The following GABRA3 variants were observed in gnomAD, a reference collection of about 807,000 sequenced individuals.
GABRA3 encodes gamma-aminobutyric acid type A receptor subunit alpha3.
In GABRA3, 10 loss-of-function variants were observed where a neutral mutation model predicts 30.1. The observed-to-expected ratio is 0.33, with a 90% confidence interval of 0.20 to 0.56. The LOEUF (loss-of-function observed/expected upper bound fraction) is 0.56, where lower values mean the gene tolerates loss of function less well. GABRA3 is among the 20% of genes least tolerant of loss of function. GABRA3 has a pLI of 0.89. For synonymous variants in GABRA3, 151 were observed against 146.8 expected (o/e 1.03, Z -0.21); for missense variants, 233 against 392.0 (o/e 0.59, Z 3.42).
At chrX:152,267,253 T>C (rs1938843025) in intron 4 of GABRA3, among the ~76,000 whole-genome samples, 1 of 112,359 alleles carries the variant, frequency 8.9e-6, no homozygotes, top group African/African-American at 3.2e-5. Context: ...TCTTTTTTGG[T>C]ATCTATTAAA....
At chrX:152,271,548 G>C (rs1312194127) in intron 4 of GABRA3, among the ~76,000 whole-genome samples, 1 of 112,225 alleles carries the variant, frequency 8.9e-6, no homozygotes, top group African/African-American at 3.2e-5. Flanking sequence ...AAAACGTTCA[G>C]CCTGAAAATG....
chrX:152,354,592 G>T (rs1468768284), intron 2 of GABRA3, among the ~76,000 whole-genome samples: 2 of 111,670 alleles, frequency 1.8e-5, no homozygotes, highest in Non-Finnish European at 3.8e-5. Flanking sequence ...GAGTATATCT[G>T]AAAGCCACTA....
chrX:152,338,421 TC>T (rs1242009010), intron 3 of GABRA3, among the ~76,000 whole-genome samples: 1 of 112,103 alleles, frequency 8.9e-6, no homozygotes, highest in Non-Finnish European at 1.9e-5. Context: ...CCTTATATAT[TC>T]TAGTTGTTAA....
chrX:152,278,065 G>A lies in GABRA3; in HGVS notation c.330+6603C>T, dbSNP rs185597795. On this transcript the variant is annotated intron_variant, in intron 4 of 9. Transcript: ENST00000370314. ...CCTTCTCTTCATCATTCTCTATTTT[G>A]AAGAAACATAATTGATACGTTATTT... Among the ~76,000 whole-genome samples the A allele has an allele frequency of 5.9e-4, 66 of 111,785 alleles. No individual in the cohort carries two copies. The East Asian group carries it at 0.018, about 30-fold the overall frequency.
intron 3 of GABRA3, among the ~76,000 whole-genome samples, chrX:152,293,162 C>G (rs752095572): frequency 1.8e-5 from 2 of 110,876 alleles, no homozygotes; most frequent in African/African-American, 6.6e-5. Flanking sequence ...GTTAAAGTCT[C>G]CCACTATTAA....
At chrX:152,183,791 T>C (rs1238536236) in intron 9 of GABRA3, among the ~76,000 whole-genome samples, 4 of 111,887 alleles carry the variant, frequency 3.6e-5, no homozygotes, top group Non-Finnish European at 5.7e-5. Flanking sequence ...ATTTCCCTTT[T>C]AATTTCTCCT....
intron 7 of GABRA3, among the ~76,000 whole-genome samples, chrX:152,204,245 T>G (rs1221684589): frequency 8.9e-6 from 1 of 111,786 alleles, no homozygotes; most frequent in Non-Finnish European, 1.9e-5. Context: ...GAGGGAACCA[T>G]CAGAAGTAAA....
intron 4 of GABRA3, among the ~76,000 whole-genome samples, chrX:152,265,094 C>A (rs1378939174): frequency 9.0e-6 from 1 of 111,305 alleles, no homozygotes. Context: ...ATAGTCCAGA[C>A]AGACAATCAT....
At chrX:152,268,866 G>A (rs1938876494) in intron 4 of GABRA3, among the ~76,000 whole-genome samples, 2 of 111,668 alleles carry the variant, frequency 1.8e-5, no homozygotes, top group Non-Finnish European at 3.8e-5. Context: ...CACTGTGCCT[G>A]GTCTTAAATT....
rs376933487 is a variant in GABRA3 at position 152,430,411 on chromosome X, G to A, written c.-27+20735C>T. ...GCTAGATCACTGCAGGAAACCAGACGATGAGGCAGGGAACTCCTAGGCAGA... is the reference window on the plus strand; with the variant it reads ...GCTAGATCACTGCAGGAAACCAGACAATGAGGCAGGGAACTCCTAGGCAGA... On this transcript the variant is annotated intron_variant, in intron 1 of 9. Transcript: ENST00000370314. Among the ~76,000 whole-genome samples the A allele has an allele frequency of 2.0e-4, 22 of 111,311 alleles. No individual in the cohort carries two copies. The East Asian group carries it at 2.3e-3, about 11-fold the overall frequency.
chrX:152,393,054 G>A (rs1374772499), intron 1 of GABRA3, among the ~76,000 whole-genome samples: 4 of 111,777 alleles, frequency 3.6e-5, no homozygotes, highest in African/African-American at 9.8e-5. Context: ...ACAATCCCAC[G>A]ACATAAAGTA....
intron 3 of GABRA3, among the ~76,000 whole-genome samples, chrX:152,324,958 T>C (rs1461586583): frequency 9.0e-6 from 1 of 111,703 alleles, no homozygotes; most frequent in Non-Finnish European, 1.9e-5. Flanking sequence ...AATAGGCCAA[T>C]TTTATTTTTA....
intron 5 of GABRA3, among the ~76,000 whole-genome samples, chrX:152,242,324 G>A (rs1480692113): frequency 9.0e-6 from 1 of 111,051 alleles, no homozygotes; most frequent in Admixed American, 9.6e-5. Context: ...AGAAAACAGA[G>A]AGAGAAAGCT....
At chrX:152,369,595 G>A (rs762024297) in intron 1 of GABRA3, among the ~76,000 whole-genome samples, 16 of 110,904 alleles carry the variant, frequency 1.4e-4, no homozygotes, top group Non-Finnish European at 2.1e-4. Context: ...AATTTGTTCC[G>A]TCACTTCCTT....
At chrX:152,422,263 A>T (rs964048287) in intron 1 of GABRA3, among the ~76,000 whole-genome samples, 14 of 111,571 alleles carry the variant, frequency 1.3e-4, no homozygotes, top group African/African-American at 3.9e-4. Context: ...ATGAATCTCA[A>T]AATCATGTTG....
chrX:152,386,724 T>G (rs1318772065), intron 1 of GABRA3, among the ~76,000 whole-genome samples: 1 of 110,301 alleles, frequency 9.1e-6, no homozygotes, highest in African/African-American at 3.3e-5. Flanking sequence ...TCAACCATTG[T>G]GGAAGTCAGT....
intron 1 of GABRA3, among the ~76,000 whole-genome samples, chrX:152,445,284 C>T (rs1356012275): frequency 1.8e-5 from 2 of 109,849 alleles, no homozygotes; most frequent in Non-Finnish European, 3.8e-5. Flanking sequence ...CATACATCTT[C>T]CCCCCAGGAA....
chrX:152,427,788 G>A (rs1930547854), intron 1 of GABRA3, among the ~76,000 whole-genome samples: 1 of 111,382 alleles, frequency 9.0e-6, no homozygotes, highest in African/African-American at 3.3e-5. Flanking sequence ...TTCTCACCAA[G>A]AAAACAACGA....
chrX:152,382,708 T>C (rs1929179637), intron 1 of GABRA3, among the ~76,000 whole-genome samples: 1 of 111,646 alleles, frequency 9.0e-6, no homozygotes. Context: ...TGGTGTGAGA[T>C]GAGGGTCCAA....
Sources: gnomAD v4.1 joint callset for allele counts (sites outside exome capture counted in the v4.1 genomes callset) on GRCh38, gnomAD v4.1.1 for gene constraint, MANE v1.5 for transcripts, NCBI Gene and HGNC (gene_info 2026-07-23, HGNC 2026-07-21) for gene names.